Variants in BCL2 observed in about 807,000 individuals in gnomAD.
BCL2 encodes the protein apoptosis regulator Bcl-2.
BCL2 carries 1 observed loss-of-function variant against 14.2 expected under a neutral mutation model. That is an observed-to-expected ratio of 0.07 (90% confidence interval 0.02 to 0.33). BCL2 has a LOEUF of 0.33. BCL2 is among the 10% of genes least tolerant of loss of function. The pLI is 0.99. For synonymous variants in BCL2, 151 were observed against 137.2 expected (o/e 1.10, Z -0.70); for missense variants, 247 against 305.9 (o/e 0.81, Z 1.44).
chr18:63,296,232 C>T (rs1912791288), intron 2 of BCL2, among the ~76,000 whole-genome samples: 2 of 152,232 alleles, frequency 1.3e-5, no homozygotes, highest in East Asian at 1.9e-4. Flanking sequence ...GAATAGAAGT[C>T]GAAAGTTCTA....
At chr18:63,297,680 A>C (rs770883628) in intron 2 of BCL2, among the ~76,000 whole-genome samples, 1 of 152,212 alleles carries the variant, frequency 6.6e-6, no homozygotes, top group Non-Finnish European at 1.5e-5. Flanking sequence ...AGAATAAAGG[A>C]CTTTTTGAAA....
At chr18:63,179,947 C>G (rs916201000) in intron 2 of BCL2, among the ~76,000 whole-genome samples, 1 of 152,164 alleles carries the variant, frequency 6.6e-6, no homozygotes, top group Non-Finnish European at 1.5e-5. Flanking sequence ...TTTCTCTTTT[C>G]TCACTCAATG....
rs1178010799 is a variant in BCL2 at position 63,127,070 on chromosome 18, C to A, written c.*1555G>T. The A allele has an allele frequency of 4.4e-6, 1 of 228,284 alleles. No homozygotes were observed. The highest frequency in any genetic ancestry group is 2.2e-5 in the African/African-American group (1 of 44,988). The allele number at this position is 228,284 out of a possible 1,614,324, so 14.1% of individuals were successfully genotyped here. A position where few individuals can be genotyped will look rare whatever the true frequency, so the allele number is the denominator to read the frequency against. On this transcript the variant is annotated 3_prime_UTR_variant, in exon 3 of 3. Coordinates refer to ENST00000333681, the MANE Select transcript of BCL2 (RefSeq NM_000633.3). ...AATGCCCCAGGATGTACAGATAACCCCCATATTCCACACCTGGAACTTTTT... is the reference window on the plus strand; with the variant it reads ...AATGCCCCAGGATGTACAGATAACCACCATATTCCACACCTGGAACTTTTT...
intron 2 of BCL2, among the ~76,000 whole-genome samples, chr18:63,222,542 G>GAA (rs1412006159): frequency 2.6e-5 from 4 of 151,960 alleles, no homozygotes; most frequent in Non-Finnish European, 5.9e-5. Context: ...AGGATTACAT[G>GAA]AAAAAAAGAG....
chr18:63,256,141 T>C (rs1242087935), intron 2 of BCL2, among the ~76,000 whole-genome samples: 2 of 152,222 alleles, frequency 1.3e-5, no homozygotes, highest in South Asian at 2.1e-4. Context: ...TCATTGTGCA[T>C]TGGTTGAATG....
chr18:63,184,982 C>A (rs1486255429), intron 2 of BCL2, among the ~76,000 whole-genome samples: 1 of 152,180 alleles, frequency 6.6e-6, no homozygotes, highest in Non-Finnish European at 1.5e-5. Flanking sequence ...AGCGACACTG[C>A]CAACTTCACA....
rs930936050 is a variant in BCL2, at chr18:63,124,252, A to C, written c.*4373T>G. ...AAAATTTTTTTCTGTATTGTACATA[A>C]TAAACATTTAGAAACAGATGTCCCT... On this transcript the variant is annotated 3_prime_UTR_variant, in exon 3 of 3. Coordinates refer to ENST00000333681, the MANE Select transcript of BCL2 (RefSeq NM_000633.3). 4.4e-6 allele frequency: 1 copy of C among 225,104 alleles called. No homozygotes were observed. The highest frequency in any genetic ancestry group is 8.8e-6 in the Non-Finnish European group (1 of 113,022). 13.9% of individuals were successfully genotyped at this position (225,104 alleles called of 1,614,324 possible). A position where few individuals can be genotyped will look rare whatever the true frequency, so the allele number is the denominator to read the frequency against.
chr18:63,292,093 A>C (rs937317917), intron 2 of BCL2, among the ~76,000 whole-genome samples: 1 of 152,154 alleles, frequency 6.6e-6, no homozygotes, highest in Non-Finnish European at 1.5e-5. Context: ...TAATAGATCA[A>C]CTGGAGTGGT....
At position 63,190,985 on chromosome 18, in the gene BCL2, G is replaced by T. The variant is rs112404342; in HGVS notation, c.586-62226C>A. ...TTCTGTTCCTGTGTTAGTTTGCTGA[G>T]GATGATGGCTTCCAGCTTCATCTAT... On this transcript the variant is annotated intron_variant, in intron 2 of 2. Transcript: ENST00000333681. Among the ~76,000 whole-genome samples the T allele has an allele frequency of 5.8e-3, 881 of 152,274 alleles. 7 individuals are homozygous for T. Among genetic ancestry groups the T allele is most frequent in the African/African-American group, 0.02 (844 of 41,544 alleles).
At chr18:63,196,557 T>C (rs1210528331) in intron 2 of BCL2, among the ~76,000 whole-genome samples, 1 of 151,960 alleles carries the variant, frequency 6.6e-6, no homozygotes, top group Non-Finnish European at 1.5e-5. Flanking sequence ...TGTATGGTCT[T>C]TTTTTTGGCT....
In BCL2 at chr18:63,293,395, A is replaced by G. The variant is rs576562589; in HGVS notation, c.585+24687T>C. On this transcript the variant is annotated intron_variant, in intron 2 of 2. Transcript: ENST00000333681. ...AATTTTCAGCATAGGAAAATCCCCA[A>G]TATGCAGGTTGTCACCTGCTTGATC... is the stretch of plus-strand genomic sequence containing the variant. Among the ~76,000 whole-genome samples the G allele has an allele frequency of 6.6e-5, 10 of 152,338 alleles. No individual in the cohort carries two copies. The East Asian group carries it at 1.9e-3, about 29-fold the overall frequency.
At chr18:63,129,089 G>A (rs1449141620) in intron 2 of BCL2, among the ~76,000 whole-genome samples, 1 of 152,168 alleles carries the variant, frequency 6.6e-6, no homozygotes, top group Non-Finnish European at 1.5e-5. Context: ...CATGGTGTAG[G>A]AGAGAGTGCT....
At chr18:63,279,813 A>G (rs930388587) in intron 2 of BCL2, among the ~76,000 whole-genome samples, 5 of 152,252 alleles carry the variant, frequency 3.3e-5, no homozygotes, top group Non-Finnish European at 7.3e-5. Context: ...AACTACATAC[A>G]CTACAATTTC....
intron 2 of BCL2, among the ~76,000 whole-genome samples, chr18:63,306,953 T>G (rs551350993): frequency 2.6e-5 from 4 of 151,886 alleles, no homozygotes; most frequent in African/African-American, 9.7e-5. Context: ...AAAGATTGGA[T>G]AGCACTGCCC....
intron 2 of BCL2, among the ~76,000 whole-genome samples, chr18:63,247,488 G>A (rs1166404047): frequency 1.3e-5 from 2 of 152,048 alleles, no homozygotes; most frequent in African/African-American, 2.4e-5. Flanking sequence ...GTGAGCCACC[G>A]CGCCCGGCCA....
chr18:63,169,322 TCTTTC>T (rs1915145684), intron 2 of BCL2, among the ~76,000 whole-genome samples: 1 of 105,640 alleles, frequency 9.5e-6, no homozygotes, highest in Non-Finnish European at 1.7e-5. Context: ...CTTCCTTCCT[TCTTTC>T]CTTTCCTTCC....
At chr18:63,236,362 A>G (rs1384552785) in intron 2 of BCL2, among the ~76,000 whole-genome samples, 1 of 152,244 alleles carries the variant, frequency 6.6e-6, no homozygotes, top group Non-Finnish European at 1.5e-5. Context: ...GAGAGTGTTA[A>G]TATGATCATT....
chr18:63,221,362 T>C (rs989731222), intron 2 of BCL2, among the ~76,000 whole-genome samples: 3 of 152,114 alleles, frequency 2.0e-5, no homozygotes, highest in African/African-American at 7.2e-5. Flanking sequence ...TATGGGTCCC[T>C]TCCCACTACA....
At chr18:63,158,135 G>A (rs181487602) in intron 2 of BCL2, among the ~76,000 whole-genome samples, 20 of 152,114 alleles carry the variant, frequency 1.3e-4, no homozygotes, top group East Asian at 9.7e-4. Flanking sequence ...CCAGAGGCTC[G>A]GGAGGCACCA....
Sources: gnomAD v4.1 joint callset for allele counts (sites outside exome capture counted in the v4.1 genomes callset) on GRCh38, gnomAD v4.1.1 for gene constraint, MANE v1.5 for transcripts, NCBI Gene and HGNC (gene_info 2026-07-23, HGNC 2026-07-21) for gene names.